The following ZNF789 variants were observed in gnomAD, a reference collection of about 807,000 sequenced individuals.
ZNF789 encodes the protein zinc finger protein 789.
A neutral mutation model predicts 15.6 loss-of-function variants in ZNF789; 11 were observed. That is an observed-to-expected ratio of 0.70 (90% CI 0.44 to 1.16). The LOEUF (loss-of-function observed/expected upper bound fraction) is 1.16. ZNF789 is among the 50% of genes most tolerant of loss of function. The pLI is 0.00. For synonymous variants in ZNF789, 159 were observed against 176.0 expected, an observed-to-expected ratio of 0.90 and a Z score of 0.76; for missense variants, 461 against 512.6, an observed-to-expected ratio of 0.90 and a Z score of 0.97.
chr7:99,473,940 G>C (rs1799161082), intron 1 of ZNF789, among the ~76,000 whole-genome samples: 1 of 152,270 alleles, frequency 6.6e-6, no homozygotes, highest in Non-Finnish European at 1.5e-5. Context: ...AAGAGAGACA[G>C]GGTCTTGCTC....
rs796390656 is a variant in ZNF789 at position 99,486,545 on chromosome 7, A to G, written c.335A>G (p.Tyr112Cys). The change falls in exon 5 of 5, where the codon TAT (tyrosine) becomes TGT (cysteine). Residue 112 changes from tyrosine (Y) to cysteine (C), a missense_variant. Physicochemically the swap from Tyr to Cys is radical, Grantham distance 194. Transcript: ENST00000331410. ...KQKFSEDLES[Y>C]KISVVMQESA... is the part of the protein sequence containing the mutation. The stretch of plus-strand genomic sequence containing the variant: ...AAATTTTCTGAAGATTTAGAGTCAT[A>G]TAAGATATCAGTGGTAATGCAGGAA... 5 of 1,614,116 alleles carry G rather than the reference A, an allele frequency of 3.1e-6. No individual in the cohort carries two copies. Among genetic ancestry groups the G allele is most frequent in the Admixed American group, 1.7e-5 (1 of 59,948 alleles).
chr7:99,484,834 T>G (rs1398041832), intron 4 of ZNF789, among the ~76,000 whole-genome samples: 1 of 151,000 alleles, frequency 6.6e-6, no homozygotes, highest in Admixed American at 6.6e-5. Flanking sequence ...GAGGCTGAGG[T>G]GTGAGGACTG....
chr7:99,486,185 G>T (rs1799935995), intron 4 of ZNF789, among the ~76,000 whole-genome samples: 1 of 152,160 alleles, frequency 6.6e-6, no homozygotes, highest in East Asian at 1.9e-4. Flanking sequence ...GAGCATGATG[G>T]CTGGCATCTG....
chr7:99,479,685 G>A lies in ZNF789; in HGVS notation c.49G>A (p.Ala17Thr). The change falls in exon 3 of 5, where the codon GCG (alanine) becomes ACG (threonine). Residue 17 changes from alanine to threonine, a missense_variant. Physicochemically the swap from Ala to Thr is moderately conservative, Grantham distance 58 (BLOSUM62 0). Coordinates refer to ENST00000331410, the MANE Select transcript of ZNF789 (RefSeq NM_213603.3). ...GKELLSFEDV[A>T]MYFTREEWGH... is the part of the protein sequence containing the mutation. The stretch of plus-strand genomic sequence containing the variant: ...GGAGCTGCTCTCGTTTGAGGATGTG[G>A]CGATGTACTTCACCAGAGAGGAGTG... 6.2e-7 allele frequency: 1 copy of A among 1,609,356 alleles called. No homozygotes were observed. The highest frequency in any genetic ancestry group is 8.5e-7 in the Non-Finnish European group (1 of 1,178,170).
At chr7:99,486,327 C>CA in intron 4 of ZNF789, 149 bp from the exon 5 acceptor site, 1 of 820,594 alleles carries the variant, frequency 1.2e-6, no homozygotes, top group Non-Finnish European at 1.8e-6. Flanking sequence ...AAAAAAATTT[C>CA]AGAGTTTTGG....
Position 99,484,127 on chromosome 7 carries a change from C to T in ZNF789, c.249C>T (p.Ser83=), listed in dbSNP as rs1455879263. 7.4e-6 allele frequency: 12 copies of T among 1,613,688 alleles called. No homozygotes were observed. Among genetic ancestry groups the T allele is most frequent in the East Asian group, 6.7e-5 (3 of 44,882 alleles). The change falls in exon 4 of 5, where the codon TCC becomes TCT. Residue 83 remains serine (S), a synonymous_variant. Transcript: ENST00000331410. ...CGAGAACTGGGAATAGGAAGGCTTC[C>T]GGTAGTGCTTGCCCAGGTGGGTGAG... ...DLPRTGNRKA[S]GSACPGSEAR... is the part of the protein sequence containing the mutation.
chr7:99,486,164 A>G (rs536429217), intron 4 of ZNF789, among the ~76,000 whole-genome samples: 1 of 152,296 alleles, frequency 6.6e-6, no homozygotes, highest in African/African-American at 2.4e-5. Context: ...CTAAAAATAC[A>G]AAAATCAGCT....
At chr7:99,481,916 AT>A (rs1799651828) in intron 3 of ZNF789, 5 of 465,940 alleles carry the variant, frequency 1.1e-5, no homozygotes. Flanking sequence ...TGTTATTAAC[AT>A]TTTGGTTTAC....
intron 1 of ZNF789, among the ~76,000 whole-genome samples, 171 bp downstream of exon 1, chr7:99,473,227 G>A (rs1799116095): frequency 6.6e-6 from 1 of 152,182 alleles, no homozygotes; most frequent in African/African-American, 2.4e-5. Flanking sequence ...AGCGAGAGGA[G>A]CAAAGTCCGA....
chr7:99,479,419 C>T, intron 2 of ZNF789: 1 of 375,214 alleles, frequency 2.7e-6, no homozygotes, highest in Non-Finnish European at 4.7e-6. Flanking sequence ...GCCTGAAAAG[C>T]CTAAAATATT....
chr7:99,485,705 G>T (rs1295907539), intron 4 of ZNF789, among the ~76,000 whole-genome samples: 1 of 152,066 alleles, frequency 6.6e-6, no homozygotes, highest in Non-Finnish European at 1.5e-5. Flanking sequence ...GGTGGTGTAT[G>T]CCTGTAATCC....
In ZNF789 at chr7:99,486,945, G is replaced by A. The variant is rs878925905; in HGVS notation, c.735G>A (p.Thr245=). 15 of 1,613,980 alleles carry A rather than the reference G, an allele frequency of 9.3e-6. No homozygotes were observed. Among genetic ancestry groups the A allele is most frequent in the Middle Eastern group, 1.6e-4 (1 of 6,084 alleles). Residue 245 remains threonine (T), a synonymous_variant, in exon 5 of 5, where the codon ACG becomes ACA. Transcript: ENST00000331410. ...GQAFRQRSAL[T]VHKQCHLQNK... is the part of the protein sequence containing the mutation. ...CCTTCAGACAGCGGTCAGCTCTTAC[G>A]GTCCATAAACAGTGTCACCTGCAAA...
chr7:99,476,605 T>G (rs1231937535), intron 2 of ZNF789, 125 bp downstream of exon 2: 5 of 1,166,388 alleles, frequency 4.3e-6, no homozygotes, highest in Admixed American at 3.4e-5. Flanking sequence ...TGTAGAGAGC[T>G]TAGCCTCTGG....
At chr7:99,479,164 C>T (rs113591648) in intron 2 of ZNF789, 3,077 of 153,168 alleles carry the variant, frequency 0.02, 55 homozygotes, top group Non-Finnish European at 0.034. Context: ...ATTAACCAAC[C>T]CCCCAGTGAC....
intron 1 of ZNF789, among the ~76,000 whole-genome samples, chr7:99,473,494 C>A (rs1761283715): frequency 6.6e-6 from 1 of 152,226 alleles, no homozygotes; most frequent in Non-Finnish European, 1.5e-5. Context: ...TATCAACTTG[C>A]ATTCCTTCTA....
intron 4 of ZNF789, chr7:99,485,262 G>C (rs1584571233): frequency 6.6e-7 from 1 of 1,514,652 alleles, no homozygotes; most frequent in African/African-American, 1.4e-5. Context: ...CTGACGTTTT[G>C]GGCTGACGAA....
chr7:99,483,601 G>T (rs1799758548), intron 3 of ZNF789: 1 of 675,238 alleles, frequency 1.5e-6, no homozygotes, highest in Non-Finnish European at 2.7e-6. Flanking sequence ...TCCAGCCTGG[G>T]TGACAGAGCA....
intron 4 of ZNF789, among the ~76,000 whole-genome samples, chr7:99,484,856 G>A (rs921430795): frequency 1.3e-5 from 2 of 152,082 alleles, no homozygotes; most frequent in Non-Finnish European, 2.9e-5. Flanking sequence ...TTGAGCCTGG[G>A]AGGCAGAGGT....
chr7:99,486,948 C>A lies in ZNF789; in HGVS notation c.738C>A (p.Val246=). The change falls in exon 5 of 5, where the codon GTC becomes GTA. Residue 246 remains valine (V), a synonymous_variant. Coordinates refer to ENST00000331410, the MANE Select transcript of ZNF789 (RefSeq NM_213603.3). ...TCAGACAGCGGTCAGCTCTTACGGT[C>A]CATAAACAGTGTCACCTGCAAAACA... ...QAFRQRSALT[V]HKQCHLQNKP... is the part of the protein sequence containing the mutation. The A allele has an allele frequency of 6.2e-7, 1 of 1,614,130 alleles. No homozygotes were observed. The highest frequency in any genetic ancestry group is 8.5e-7 in the Non-Finnish European group (1 of 1,180,050).
Sources: allele counts gnomAD v4.1 joint callset (sites outside exome capture counted in the v4.1 genomes callset), GRCh38; gene constraint gnomAD v4.1.1; transcripts MANE v1.5; gene names NCBI Gene and HGNC (gene_info 2026-07-23, HGNC 2026-07-21).